Variants in P2RY14 observed in about 807,000 individuals in gnomAD.
P2RY14 encodes P2Y purinoceptor 14.
In P2RY14, 2 loss-of-function variants were observed where a neutral mutation model predicts 0.9. The observed-to-expected ratio is 2.16, with a 90% CI of 0.88 to 6.79. The LOEUF is 6.79. Ranked by LOEUF, P2RY14 falls within the 30% of genes most tolerant of loss-of-function variation. The pLI, the probability that P2RY14 is intolerant of heterozygous loss-of-function variation, is 0.05. For synonymous variants in P2RY14, 158 were observed against 147.2 expected (o/e 1.07, Z -0.53); for missense variants, 378 against 400.1 (o/e 0.94, Z 0.47).
At chr3:151,271,062 A>G (rs989747596) in intron 1 of P2RY14, among the ~76,000 whole-genome samples, 13 of 151,890 alleles carry the variant, frequency 8.6e-5, no homozygotes, top group Non-Finnish European at 1.5e-4. Context: ...TTTTTTTTGT[A>G]GACACCATTA....
chr3:151,268,024 G>A (rs929196543), intron 1 of P2RY14, among the ~76,000 whole-genome samples: 2 of 152,062 alleles, frequency 1.3e-5, no homozygotes, highest in Admixed American at 6.5e-5. Flanking sequence ...AGTCTTATGC[G>A]TTCTTAGTAA....
intron 1 of P2RY14, among the ~76,000 whole-genome samples, chr3:151,263,764 C>T (rs1032692896): frequency 2.9e-5 from 1 of 34,016 alleles, no homozygotes; most frequent in Non-Finnish European, 5.4e-5. Context: ...TCCCGTACCA[C>T]CCCCCCCACT....
At chr3:151,225,100 A>G (rs1037736270) in intron 1 of P2RY14, among the ~76,000 whole-genome samples, 1 of 152,072 alleles carries the variant, frequency 6.6e-6, no homozygotes, top group African/African-American at 2.4e-5. Flanking sequence ...CACCCTGCCT[A>G]TTGGGCTTGC....
chr3:151,247,969 T>C (rs1398532574), intron 1 of P2RY14, among the ~76,000 whole-genome samples: 64 of 142,204 alleles, frequency 4.5e-4, no homozygotes, highest in African/African-American at 1.5e-3. Context: ...CTTCTTTTTT[T>C]TTTTTTTTTT....
At chr3:151,244,826 G>C (rs1048764238) in intron 1 of P2RY14, among the ~76,000 whole-genome samples, 1 of 152,142 alleles carries the variant, frequency 6.6e-6, no homozygotes, top group African/African-American at 2.4e-5. Flanking sequence ...AATGAATCCA[G>C]GAGCTGGTTT....
intron 1 of P2RY14, among the ~76,000 whole-genome samples, chr3:151,264,501 T>C (rs2149515039): frequency 6.6e-6 from 1 of 152,378 alleles, no homozygotes; most frequent in African/African-American, 2.4e-5. Context: ...TTTATGATTG[T>C]GTAAAGCGCA....
At chr3:151,223,605 A>G (rs1352596081) in intron 1 of P2RY14, among the ~76,000 whole-genome samples, 3 of 152,336 alleles carry the variant, frequency 2.0e-5, no homozygotes, top group African/African-American at 7.2e-5. Flanking sequence ...CAAATACCAC[A>G]TATTTTCACT....
chr3:151,261,022 A>T (rs1181915454), intron 1 of P2RY14, among the ~76,000 whole-genome samples: 1 of 152,058 alleles, frequency 6.6e-6, no homozygotes, highest in African/African-American at 2.4e-5. Context: ...GCATGGCCTG[A>T]GGATCCCTGT....
intron 1 of P2RY14, among the ~76,000 whole-genome samples, chr3:151,275,221 A>G (rs1455220584): frequency 6.6e-6 from 1 of 152,124 alleles, no homozygotes; most frequent in East Asian, 1.9e-4. Flanking sequence ...TTTTTCCCCA[A>G]GTGATCACAC....
At chr3:151,235,285 TG>T (rs1161646113) in intron 1 of P2RY14, among the ~76,000 whole-genome samples, 2 of 152,214 alleles carry the variant, frequency 1.3e-5, no homozygotes, top group Non-Finnish European at 2.9e-5. Flanking sequence ...TGTAAACTGA[TG>T]GGGGCAGGGC....
At chr3:151,237,188 G>A (rs1259190397) in intron 1 of P2RY14, among the ~76,000 whole-genome samples, 1 of 151,258 alleles carries the variant, frequency 6.6e-6, no homozygotes, top group Non-Finnish European at 1.5e-5. Flanking sequence ...ACAGGTGCAT[G>A]CCACCACGCC....
At chr3:151,215,282 G>A (rs1480882496) in intron 2 of P2RY14, among the ~76,000 whole-genome samples, 4 of 152,116 alleles carry the variant, frequency 2.6e-5, no homozygotes, top group Non-Finnish European at 4.4e-5. Context: ...TGGGTATTGA[G>A]CACTTGAAAT....
intron 1 of P2RY14, among the ~76,000 whole-genome samples, chr3:151,262,791 C>G (rs1270153859): frequency 6.6e-6 from 1 of 152,114 alleles, no homozygotes. Flanking sequence ...ATGCCAGATA[C>G]TGTTCTAAAT....
At position 151,213,739 on chromosome 3, in the gene P2RY14, G is replaced by T. The variant is rs1472339504; in HGVS notation, c.578C>A (p.Ala193Asp). 1 of 1,614,134 alleles carries T rather than the reference G, an allele frequency of 6.2e-7. No individual in the cohort carries two copies. Among genetic ancestry groups the T allele is most frequent in the Non-Finnish European group, 8.5e-7 (1 of 1,179,996 alleles). ...CAAAAGAAACACAATCCAGAAGATG[G>T]CCACGAAGATGTAGTTTGATGCTTT... The part of the protein sequence containing the change: ...WHKASNYIFV[A>D]IFWIVFLLLI... The change falls in exon 3 of 3, where the codon GCC becomes GAC. Residue 193 changes from alanine (A) to aspartate (D), a missense_variant. Physicochemically the swap from Ala to Asp is moderately radical, Grantham distance 126. Transcript: ENST00000309170.
intron 1 of P2RY14, among the ~76,000 whole-genome samples, chr3:151,221,324 C>G (rs6810247): frequency 0.72 from 109,956 of 152,108 alleles, 39,913 homozygotes; most frequent in Non-Finnish European, 0.76. Context: ...CATCTTCTGA[C>G]GAGAAGTTCA....
chr3:151,255,453 G>T (rs568402043), intron 1 of P2RY14, among the ~76,000 whole-genome samples: 1 of 152,068 alleles, frequency 6.6e-6, no homozygotes, highest in Admixed American at 6.6e-5. Context: ...GCCAGGGGGA[G>T]GGGGCTGGGG....
chr3:151,218,866 C>CAAAAAAAAAAA (rs397686351), intron 2 of P2RY14, among the ~76,000 whole-genome samples: 3 of 71,334 alleles, frequency 4.2e-5, no homozygotes, highest in African/African-American at 8.9e-5. Context: ...GACTCAGTCT[C>CAAAAAAAAAAA]AAAAAAAAAA....
intron 1 of P2RY14, among the ~76,000 whole-genome samples, chr3:151,275,113 C>A (rs62283015): frequency 5.3e-5 from 8 of 152,046 alleles, no homozygotes; most frequent in African/African-American, 1.9e-4. Context: ...CATTTCCCAT[C>A]TGCTTGGTAT....
chr3:151,224,201 C>T (rs1300535703), intron 1 of P2RY14, among the ~76,000 whole-genome samples: 4 of 151,986 alleles, frequency 2.6e-5, no homozygotes, highest in African/African-American at 9.7e-5. Context: ...ATTTTTCTTC[C>T]TCTTCTTTTT....
Sources: gnomAD v4.1 joint callset for allele counts (sites outside exome capture counted in the v4.1 genomes callset) on GRCh38, gnomAD v4.1.1 for gene constraint, MANE v1.5 for transcripts, NCBI Gene and HGNC (gene_info 2026-07-23, HGNC 2026-07-21) for gene names.